The following ANO10 variants were observed in gnomAD, a reference collection of about 807,000 sequenced individuals.
ANO10 encodes the protein anoctamin-10.
Under a neutral mutation model 74.7 loss-of-function variants are expected in ANO10, and 77 were observed. The observed-to-expected ratio is 1.03, with a 90% CI of 0.86 to 1.25. The LOEUF (loss-of-function observed/expected upper bound fraction) is 1.25. Ranked by LOEUF, ANO10 falls within the 50% of genes most tolerant of loss-of-function variation. The pLI is 0.00. For missense variants in ANO10, 721 were observed against 778.1 expected (o/e 0.93, Z 0.87); for synonymous variants, 279 against 284.9 (o/e 0.98, Z 0.21).
At chr3:43,419,329 C>G (rs774244485) in intron 12 of ANO10, among the ~76,000 whole-genome samples, 21 of 152,170 alleles carry the variant, frequency 1.4e-4, no homozygotes, top group South Asian at 6.2e-4. Flanking sequence ...TACTAGGCAG[C>G]AGGGATCACT....
At chr3:43,648,659 T>C (rs1463123828) in intron 1 of ANO10, among the ~76,000 whole-genome samples, 1 of 145,536 alleles carries the variant, frequency 6.9e-6, no homozygotes, top group Non-Finnish European at 1.5e-5. Flanking sequence ...TTGGTTTTGG[T>C]GGGTTTTAGC....
At chr3:43,534,701 T>C in intron 11 of ANO10, among the ~76,000 whole-genome samples, 1 of 152,168 alleles carries the variant, frequency 6.6e-6, no homozygotes, top group East Asian at 1.9e-4. Context: ...AAACAGACAG[T>C]AAGGCAGTGG....
intron 11 of ANO10, among the ~76,000 whole-genome samples, chr3:43,473,826 G>A (rs1160158268): frequency 1.3e-5 from 2 of 152,130 alleles, no homozygotes; most frequent in South Asian, 2.1e-4. Context: ...CAATTATTGG[G>A]TGGGGTTGTG....
chr3:43,635,960 C>T lies in ANO10; in HGVS notation c.-11-30097G>A, dbSNP rs183095159. Among the ~76,000 whole-genome samples the T allele has an allele frequency of 2.7e-3, 414 of 151,700 alleles. 3 individuals are homozygous for T. The highest frequency in any genetic ancestry group is 9.1e-3 in the African/African-American group (377 of 41,338). ...TCTTTGAGTGGTCCAATGTGTCAGA[C>T]GTTAGCATTTTTATATGGTGAATTC... On this transcript the variant is annotated intron_variant, in intron 1 of 3. Transcript: ENST00000413397.
At chr3:43,574,453 T>C (rs2080900424) in intron 7 of ANO10, among the ~76,000 whole-genome samples, 1 of 152,034 alleles carries the variant, frequency 6.6e-6, no homozygotes, top group Non-Finnish European at 1.5e-5. Context: ...CTATTTTTAG[T>C]AGAGACAGGG....
At chr3:43,454,207 G>A (rs2075021915) in intron 11 of ANO10, among the ~76,000 whole-genome samples, 1 of 152,196 alleles carries the variant, frequency 6.6e-6, no homozygotes, top group Non-Finnish European at 1.5e-5. Flanking sequence ...GAACACAGAG[G>A]AAGGCCTGTG....
At chr3:43,510,431 C>CAA (rs58246025) in intron 11 of ANO10, among the ~76,000 whole-genome samples, 7,635 of 130,958 alleles carry the variant, frequency 0.058, 351 homozygotes, top group African/African-American at 0.12. Flanking sequence ...AACTCTGTCT[C>CAA]AAAAAAAAAA....
intron 4 of ANO10, among the ~76,000 whole-genome samples, chr3:43,596,378 G>A (rs565427311): frequency 6.6e-6 from 1 of 152,300 alleles, no homozygotes; most frequent in South Asian, 2.1e-4. Context: ...CAAAGCTACA[G>A]TAACCAAAAC....
Position 43,649,173 on chromosome 3 carries a change from A to G in ANO10, c.-12+42344T>C, listed in dbSNP as rs558355905. Among the ~76,000 whole-genome samples the G allele has an allele frequency of 2.6e-5, 4 of 152,234 alleles. No individual in the cohort carries two copies. The South Asian group carries it at 8.3e-4, about 32-fold the overall frequency. On this transcript the variant is annotated intron_variant, in intron 1 of 3. Coordinates refer to the ANO10 transcript ENST00000413397. Reference sequence around the variant, plus strand: ...TGGTTCAAACACCTGTGACAGCCCCACTGAGTCAGGAACCATGTAGGTTCA... The same window carrying G: ...TGGTTCAAACACCTGTGACAGCCCCGCTGAGTCAGGAACCATGTAGGTTCA...
At chr3:43,674,993 T>C (rs759144947) in intron 1 of ANO10, among the ~76,000 whole-genome samples, 1 of 152,194 alleles carries the variant, frequency 6.6e-6, no homozygotes, top group Non-Finnish European at 1.5e-5. Context: ...GAAGGGAAAT[T>C]TGAACACCAC....
chr3:43,448,449 T>C (rs1423547372), intron 11 of ANO10, among the ~76,000 whole-genome samples: 1 of 152,258 alleles, frequency 6.6e-6, no homozygotes, highest in Non-Finnish European at 1.5e-5. Flanking sequence ...ATACAGTATA[T>C]AGCCTTTTCA....
chr3:43,513,107 C>T (rs2077572514), intron 11 of ANO10, among the ~76,000 whole-genome samples: 1 of 152,174 alleles, frequency 6.6e-6, no homozygotes. Flanking sequence ...GAGGTCTTAC[C>T]AGCACACGTA....
chr3:43,375,944 A>G (rs1307651125), intron 12 of ANO10, among the ~76,000 whole-genome samples: 1 of 152,260 alleles, frequency 6.6e-6, no homozygotes, highest in African/African-American at 2.4e-5. Flanking sequence ...TGCTTTAAAT[A>G]TTATCCAACT....
intron 11 of ANO10, among the ~76,000 whole-genome samples, chr3:43,468,627 C>A (rs1055941775): frequency 6.6e-6 from 1 of 152,150 alleles, no homozygotes; most frequent in Admixed American, 6.5e-5. Flanking sequence ...AGGCTTCAAA[C>A]TAAACAATCT....
chr3:43,510,843 A>G (rs1334154389), intron 11 of ANO10, among the ~76,000 whole-genome samples: 2 of 152,190 alleles, frequency 1.3e-5, no homozygotes, highest in Non-Finnish European at 2.9e-5. Context: ...CAGTCCTCTT[A>G]CTGAGTCAGC....
chr3:43,392,998 T>C (rs1230556956), intron 12 of ANO10, among the ~76,000 whole-genome samples: 1 of 152,244 alleles, frequency 6.6e-6, no homozygotes, highest in East Asian at 1.9e-4. Context: ...TTTGAACTAA[T>C]TTAAATCCAA....
intron 11 of ANO10, among the ~76,000 whole-genome samples, chr3:43,494,264 G>A (rs1043006928): frequency 3.9e-5 from 6 of 152,230 alleles, no homozygotes; most frequent in African/African-American, 1.4e-4. Flanking sequence ...GACCAGCCTG[G>A]CCAACATGGT....
intron 1 of ANO10, among the ~76,000 whole-genome samples, chr3:43,611,550 C>T (rs910863043): frequency 1.5e-4 from 23 of 152,134 alleles, no homozygotes; most frequent in African/African-American, 4.8e-4. Flanking sequence ...CAATTCATGA[C>T]CTCTCAGTTA....
chr3:43,376,209 C>T (rs768367228), intron 12 of ANO10, among the ~76,000 whole-genome samples: 7 of 152,188 alleles, frequency 4.6e-5, no homozygotes, highest in Non-Finnish European at 8.8e-5. Context: ...TATTCAGGAA[C>T]AAGAAAGGTT....
Sources: allele counts gnomAD v4.1 joint callset (sites outside exome capture counted in the v4.1 genomes callset), GRCh38; gene constraint gnomAD v4.1.1; transcripts MANE v1.5; gene names NCBI Gene and HGNC (gene_info 2026-07-23, HGNC 2026-07-21).